SPTAN1: variants seen among roughly 807,000 people sequenced by gnomAD.
SPTAN1 encodes the protein spectrin alpha, non-erythrocytic 1.
Under a neutral mutation model 331.3 loss-of-function variants are expected in SPTAN1, and 61 were observed. The ratio of observed to expected loss-of-function variants is 0.18; its 90% CI spans 0.15 to 0.23. The LOEUF is 0.23. Among genes scored for constraint, SPTAN1 ranks in the 10% least tolerant of loss-of-function variants. The probability of loss-of-function intolerance (pLI) is 1.00; values close to 1 mark genes in which losing one functional copy is unlikely to be tolerated. For missense variants in SPTAN1, 2,043 were observed against 3,147.9 expected (o/e 0.65, Z 8.40); for synonymous variants, 1,153 against 1,173.9 (o/e 0.98, Z 0.36).
intron 3 of SPTAN1, among the ~76,000 whole-genome samples, chr9:128,573,431 TG>T (rs1850950434): frequency 6.6e-6 from 1 of 152,306 alleles, no homozygotes; most frequent in East Asian, 1.9e-4. Context: ...TGATAGCTGA[TG>T]ACTTTTCAGG....
intron 52 of SPTAN1, 133 bp from the exon 53 acceptor site, chr9:128,631,994 A>C: frequency 1.7e-4 from 145 of 836,754 alleles, no homozygotes; most frequent in Middle Eastern, 3.4e-4. Flanking sequence ...CACTATTCCT[A>C]TTCTAGAATG....
chr9:128,585,960 G>A lies in SPTAN1; in HGVS notation c.2773G>A (p.Ala925Thr), dbSNP rs567933253. ...STDYGKDEDS[A>T]EALLKKHEAL... ...TGACTATGGCAAGGACGAAGACTCTGCTGAGGTAACCAGGCGTGGGAAGCG... is the reference window on the plus strand; with the variant it reads ...TGACTATGGCAAGGACGAAGACTCTACTGAGGTAACCAGGCGTGGGAAGCG... Residue 925 changes from alanine to threonine, a missense_variant, in exon 19 of 57, where the codon GCT becomes ACT. By Grantham distance (58) the Ala-to-Thr change is moderately conservative. Transcript: ENST00000372739. The A allele has an allele frequency of 6.2e-7, 1 of 1,612,464 alleles. No homozygotes were observed. The highest frequency in any genetic ancestry group is 1.1e-5 in the South Asian group (1 of 90,994).
chr9:128,593,698 A>C lies in SPTAN1; in HGVS notation c.3216-477A>C, dbSNP rs1196020533. 4 of 213,818 alleles carry C rather than the reference A, an allele frequency of 1.9e-5. No individual in the cohort carries two copies. In the East Asian group the frequency reaches 4.2e-4, roughly 22 times the overall value. 13.2% of individuals were successfully genotyped at this position (213,818 alleles called of 1,614,324 possible). A position where few individuals can be genotyped will look rare whatever the true frequency, so the allele number is the denominator to read the frequency against. On this transcript the variant is annotated intron_variant, in intron 23 of 56. Transcript: ENST00000372739. ...GAAATGTCCTACTAATATGGAGATA[A>C]AACATCCTATATGAGGATATTTTAA...
Position 128,626,382 on chromosome 9 carries a change from T to G in SPTAN1, c.6280-9T>G. The G allele has an allele frequency of 6.2e-7, 1 of 1,613,468 alleles. No individual in the cohort carries two copies. The highest frequency in any genetic ancestry group is 8.5e-7 in the Non-Finnish European group (1 of 1,180,018). On this transcript the variant is annotated splice_polypyrimidine_tract_variant and intron_variant, in intron 48 of 56. Coordinates refer to ENST00000372739, the MANE Select transcript of SPTAN1 (RefSeq NM_001130438.3). ...GCGACTCCGCCAACTCAGTCTCTTC[T>G]GCTTCCAGGTGGAGGACCTCTTCCT...
intron 1 of SPTAN1, among the ~76,000 whole-genome samples, chr9:128,565,627 T>A (rs1475598370): frequency 1.3e-5 from 2 of 152,208 alleles, no homozygotes; most frequent in African/African-American, 4.8e-5. Context: ...TCCTTCTGTT[T>A]ACCTGCTAGG....
At chr9:128,569,447 G>A (rs1190856730) in intron 3 of SPTAN1, among the ~76,000 whole-genome samples, 4 of 151,726 alleles carry the variant, frequency 2.6e-5, no homozygotes, top group Admixed American at 2.0e-4. Context: ...CTTTGGTCTG[G>A]CTGATTTTAG....
intron 2 of SPTAN1, 116 bp from the exon 3 acceptor site, chr9:128,568,656 T>G: frequency 7.2e-7 from 1 of 1,395,820 alleles, no homozygotes; most frequent in Non-Finnish European, 9.9e-7. Context: ...TGCCAAATGA[T>G]GTATCCCTAA....
At chr9:128,574,986 G>A (rs1343036590) in intron 4 of SPTAN1, among the ~76,000 whole-genome samples, 171 bp downstream of exon 4, 1 of 145,260 alleles carries the variant, frequency 6.9e-6, no homozygotes, top group East Asian at 1.9e-4. Context: ...GTGCTATTCT[G>A]TAACTCTGAA....
chr9:128,608,054 G>C lies in SPTAN1; in HGVS notation c.4344+5G>C. 2 of 1,614,192 alleles carry C rather than the reference G, an allele frequency of 1.2e-6. No individual in the cohort carries two copies. The highest frequency in any genetic ancestry group is 1.7e-6 in the Non-Finnish European group (2 of 1,180,034). ...GATCAGTGCCTTGAACTGCAGGTGT[G>C]TGTGCTCCTGGTTTCTGACCAAGTG... is the stretch of plus-strand genomic sequence containing the variant. On this transcript the variant is annotated splice_donor_5th_base_variant and intron_variant, in intron 33 of 56. Transcript: ENST00000372739.
intron 1 of SPTAN1, among the ~76,000 whole-genome samples, chr9:128,560,874 C>A (rs868867339): frequency 2.0e-5 from 3 of 151,342 alleles, no homozygotes; most frequent in African/African-American, 7.3e-5. Flanking sequence ...AAATTAGTCG[C>A]GTGTGGTGGC....
In SPTAN1 at chr9:128,633,607, C is replaced by T. The variant is rs1860195976; in HGVS notation, c.*273C>T. ...GCTCCTCCCCTTGTTCTCTCTCCCA[C>T]CCTCCCCCAAATCTGTTTTCATGTA... On this transcript the variant is annotated 3_prime_UTR_variant, in exon 57 of 57. Transcript: ENST00000372739. 1.7e-6 allele frequency: 2 copies of T among 1,188,820 alleles called. No homozygotes were observed. The highest frequency in any genetic ancestry group is 2.1e-5 in the Admixed American group (1 of 48,558). 73.6% of individuals were successfully genotyped at this position (1,188,820 alleles called of 1,614,324 possible).
chr9:128,572,771 C>T (rs771898438), intron 3 of SPTAN1, among the ~76,000 whole-genome samples: 7 of 152,118 alleles, frequency 4.6e-5, no homozygotes, highest in Non-Finnish European at 8.8e-5. Flanking sequence ...CACACCATAC[C>T]GGACAGCGTG....
intron 40 of SPTAN1, 42 bp downstream of exon 40, chr9:128,613,527 C>G (rs567106525): frequency 6.6e-7 from 1 of 1,504,842 alleles, no homozygotes; most frequent in South Asian, 1.1e-5. Flanking sequence ...GCCTGGGACA[C>G]AGCTCTGCCT....
intron 37 of SPTAN1, 63 bp downstream of exon 37, chr9:128,609,728 G>C (rs572667316): frequency 9.1e-7 from 1 of 1,094,992 alleles, no homozygotes; most frequent in Non-Finnish European, 1.3e-6. Context: ...GTTACTCTGC[G>C]TAGATTATTG....
rs765036919 is a variant in SPTAN1, at chr9:128,585,812, G to A, written c.2625G>A (p.Leu875=). The change falls in exon 19 of 57, where the codon CTG becomes CTA. Residue 875 remains leucine, a synonymous_variant. Transcript: ENST00000372739. The part of the protein sequence containing the change: ...LHELNQKWEA[L]KAKASQRRQD... ...AGCTGAACCAAAAGTGGGAGGCACTGAAAGCCAAAGCTTCCCAGCGTCGGC... is the reference window on the plus strand; with the variant it reads ...AGCTGAACCAAAAGTGGGAGGCACTAAAAGCCAAAGCTTCCCAGCGTCGGC... 6.2e-7 allele frequency: 1 copy of A among 1,614,220 alleles called. No individual in the cohort carries two copies. The highest frequency in any genetic ancestry group is 8.5e-7 in the Non-Finnish European group (1 of 1,180,026).
rs777701049 is a variant in SPTAN1 at position 128,627,635 on chromosome 9, G to T, written c.6689+137G>T. The T allele has an allele frequency of 2.2e-6, 2 of 920,078 alleles. No homozygotes were observed. Among genetic ancestry groups the T allele is most frequent in the East Asian group, 2.6e-5 (1 of 38,950 alleles). The allele number at this position is 920,078 out of a possible 1,614,324, so 57.0% of individuals were successfully genotyped here. On this transcript the variant is annotated intron_variant, in intron 50 of 56. Transcript: ENST00000372739. The surrounding 1 kb of genome is among the most constrained non-coding windows in gnomAD (Gnocchi z 4.9). ...CTGGGAATAAAGCTGGGCTGGCAAC[G>T]CCTGGTCGGGCTCTGGAGCCGGGAG...
At chr9:128,616,942 T>G (rs1396617097) in intron 41 of SPTAN1, among the ~76,000 whole-genome samples, 1 of 151,714 alleles carries the variant, frequency 6.6e-6, no homozygotes, top group Admixed American at 6.6e-5. Context: ...AAAAAATATA[T>G]ATATTACTTA....
intron 1 of SPTAN1, among the ~76,000 whole-genome samples, chr9:128,558,006 TG>T (rs1382055649): frequency 1.3e-5 from 2 of 152,110 alleles, no homozygotes; most frequent in Non-Finnish European, 2.9e-5. Context: ...GGTTTCACCG[TG>T]TTAGCCAGGA....
In SPTAN1 at chr9:128,572,022, A is replaced by AT. The variant is rs556784804; in HGVS notation, c.364-2645dup. Among the ~76,000 whole-genome samples the AT allele has an allele frequency of 8.6e-5, 13 of 151,792 alleles. No homozygotes were observed. In the East Asian group the frequency reaches 9.7e-4, roughly 11 times the overall value. On this transcript the variant is annotated intron_variant, in intron 3 of 56. Coordinates refer to ENST00000372739, the MANE Select transcript of SPTAN1 (RefSeq NM_001130438.3). ...CAGGAACGCACAAGCACACTGAGCTATTTTTTTTGTATTTTTAGTAGAGAT... is the reference window on the plus strand; with the variant it reads ...CAGGAACGCACAAGCACACTGAGCTATTTTTTTTTGTATTTTTAGTAGAGAT...
Sources: gnomAD v4.1 joint callset for allele counts (sites outside exome capture counted in the v4.1 genomes callset) on GRCh38, gnomAD v4.1.1 for gene constraint, Gnocchi (gnomAD v3.1) non-coding constraint, MANE v1.5 for transcripts, NCBI Gene and HGNC (gene_info 2026-07-23, HGNC 2026-07-21) for gene names.